Variants in RAB2B observed in about 807,000 individuals in gnomAD.
RAB2B encodes RAB2B, member RAS oncogene family.
In RAB2B, 20 loss-of-function variants were observed where a neutral mutation model predicts 29.8. That is an observed-to-expected ratio of 0.67 (90% CI 0.47 to 0.97). The LOEUF (loss-of-function observed/expected upper bound fraction) is 0.97. Among genes scored for constraint, RAB2B ranks in the 50% least tolerant of loss-of-function variants. The pLI is 0.00. For synonymous variants in RAB2B, 93 were observed against 91.7 expected (o/e 1.01, Z -0.08); for missense variants, 218 against 272.0 (o/e 0.80, Z 1.40).
At chr14:21,472,149 A>T (rs947119107) in intron 3 of RAB2B, among the ~76,000 whole-genome samples, 14 of 152,044 alleles carry the variant, frequency 9.2e-5, no homozygotes, top group Admixed American at 2.6e-4. Flanking sequence ...GGAAAAAAAA[A>T]TTTTAATTGC....
chr14:21,469,234 A>G (rs1463511537), intron 3 of RAB2B, among the ~76,000 whole-genome samples: 1 of 152,212 alleles, frequency 6.6e-6, no homozygotes, highest in Non-Finnish European at 1.5e-5. Context: ...AAGGAAAGTT[A>G]TCTTAGAATG....
intron 6 of RAB2B, among the ~76,000 whole-genome samples, chr14:21,463,396 G>A (rs557730740): frequency 3.6e-4 from 54 of 151,918 alleles, no homozygotes; most frequent in East Asian, 2.3e-3. Flanking sequence ...ACAGACACAC[G>A]CCGCCATGAC....
chr14:21,465,510 T>C (rs1189533244), intron 5 of RAB2B, among the ~76,000 whole-genome samples: 1 of 152,220 alleles, frequency 6.6e-6, no homozygotes, highest in East Asian at 1.9e-4. Context: ...TTTCTTTCTC[T>C]TTCCAGGGTC....
intron 5 of RAB2B, among the ~76,000 whole-genome samples, chr14:21,466,629 A>G (rs1471516695): frequency 6.6e-6 from 1 of 152,246 alleles, no homozygotes; most frequent in Non-Finnish European, 1.5e-5. Flanking sequence ...AAACACAGTA[A>G]CACTCAACAC....
intron 3 of RAB2B, among the ~76,000 whole-genome samples, chr14:21,471,163 AC>A (rs1445469134): frequency 7.6e-6 from 1 of 131,548 alleles, no homozygotes; most frequent in Non-Finnish European, 1.6e-5. Flanking sequence ...ACAGAGTGAG[AC>A]TCTGTCTAAA....
chr14:21,474,621 C>T (rs1455910194), intron 3 of RAB2B: 1 of 444,012 alleles, frequency 2.3e-6, no homozygotes, highest in Non-Finnish European at 4.0e-6. Context: ...ACTTTCTATT[C>T]TATAAATTTA....
In RAB2B at chr14:21,471,178, A is replaced by T. The variant is rs1394873005; in HGVS notation, c.187-2426T>A. On this transcript the variant is annotated intron_variant, in intron 3 of 7. Transcript: ENST00000397762. Reference sequence around the variant, plus strand: ...ACAGAGTGAGACTCTGTCTAAATTAAAAAAAAAAAAAAAATCACTCTACTT... The same window carrying T: ...ACAGAGTGAGACTCTGTCTAAATTATAAAAAAAAAAAAAATCACTCTACTT... Among the ~76,000 whole-genome samples the T allele has an allele frequency of 4.1e-3, 8 of 1,974 alleles. No homozygotes were observed. In the East Asian group the frequency reaches 0.044, roughly 11 times the overall value. The allele number at this position is 1,974 out of a possible 152,430, so 1.3% of individuals were successfully genotyped here.
chr14:21,476,308 C>T, intron 2 of RAB2B: 1 of 552,818 alleles, frequency 1.8e-6, no homozygotes, highest in East Asian at 2.9e-5. Flanking sequence ...GAGTCTATAC[C>T]TCACACTCTA....
chr14:21,473,931 G>A (rs756606613), intron 3 of RAB2B, among the ~76,000 whole-genome samples: 1 of 152,160 alleles, frequency 6.6e-6, no homozygotes, highest in Non-Finnish European at 1.5e-5. Flanking sequence ...AGAATGGCAC[G>A]AACCCGGGAG....
chr14:21,476,852 G>T lies in RAB2B; in HGVS notation c.21C>A (p.Phe7Leu). The T allele has an allele frequency of 1.2e-6, 2 of 1,613,286 alleles. No homozygotes were observed. The highest frequency in any genetic ancestry group is 1.7e-6 in the Non-Finnish European group (2 of 1,179,996). MTYAYL[F>L]KYIIIGDTGV... is the part of the protein sequence containing the mutation. ...CTGTGTCTCCGATGATGATATACTT[G>T]AAGAGATAAGCATAAGTCATGGTGT... is the stretch of plus-strand genomic sequence containing the variant. Residue 7 changes from phenylalanine (F) to leucine (L), a missense_variant, in exon 1 of 8, where the codon TTC becomes TTA. Coordinates refer to ENST00000397762, the MANE Select transcript of RAB2B (RefSeq NM_032846.4).
intron 1 of RAB2B, 101 bp from the exon 2 acceptor site, chr14:21,476,700 C>T (rs778991833): frequency 1.3e-6 from 2 of 1,595,678 alleles, no homozygotes; most frequent in South Asian, 1.1e-5. Context: ...GCCCCGCCCC[C>T]GGCCGCCCCG....
chr14:21,471,018 A>T (rs1337100593), intron 3 of RAB2B, among the ~76,000 whole-genome samples: 6 of 44,578 alleles, frequency 1.3e-4, no homozygotes, highest in East Asian at 9.0e-4. Flanking sequence ...AAAAAAAAAA[A>T]AAAAAATAGG....
At chr14:21,468,835 T>C (rs1350287211) in intron 3 of RAB2B, 83 bp from the exon 4 acceptor site, 1 of 733,188 alleles carries the variant, frequency 1.4e-6, no homozygotes, top group Non-Finnish European at 2.0e-6. Flanking sequence ...GCCACCCTAA[T>C]ACAAAGGACT....
chr14:21,468,213 T>C, intron 5 of RAB2B, 144 bp downstream of exon 5: 1 of 601,314 alleles, frequency 1.7e-6, no homozygotes, highest in Non-Finnish European at 2.9e-6. Flanking sequence ...GTAAATTTTG[T>C]GTCATATATA....
At chr14:21,465,865 T>C (rs986338364) in intron 5 of RAB2B, among the ~76,000 whole-genome samples, 3 of 152,144 alleles carry the variant, frequency 2.0e-5, no homozygotes, top group Non-Finnish European at 2.9e-5. Flanking sequence ...GTCAAGCTTC[T>C]TCCAAGTTCA....
At chr14:21,476,666 G>C (rs749336060) in intron 1 of RAB2B, 67 bp from the exon 2 acceptor site, 1 of 1,613,196 alleles carries the variant, frequency 6.2e-7, no homozygotes, top group Non-Finnish European at 8.5e-7. Context: ...TGGACTTCCC[G>C]GACCAGAGAA....
intron 7 of RAB2B, among the ~76,000 whole-genome samples, chr14:21,462,002 ATTTAC>A (rs779921364): frequency 3.8e-4 from 58 of 152,250 alleles, no homozygotes; most frequent in Non-Finnish European, 6.6e-4. Flanking sequence ...TTGTTCCAGA[ATTTAC>A]TTTATAGAAA....
intron 6 of RAB2B, 37 bp downstream of exon 6, chr14:21,463,619 C>A: frequency 7.7e-7 from 1 of 1,303,420 alleles, no homozygotes; most frequent in Non-Finnish European, 1.1e-6. Flanking sequence ...ATGGTGTAAT[C>A]TCTAAAGAGC....
chr14:21,465,671 T>C (rs938560446), intron 5 of RAB2B, among the ~76,000 whole-genome samples: 2 of 152,174 alleles, frequency 1.3e-5, no homozygotes, highest in Non-Finnish European at 2.9e-5. Context: ...TGTATTTATT[T>C]ATTATTATTT....
Sources: allele counts gnomAD v4.1 joint callset (sites outside exome capture counted in the v4.1 genomes callset), GRCh38; gene constraint gnomAD v4.1.1; transcripts MANE v1.5; gene names NCBI Gene and HGNC (gene_info 2026-07-23, HGNC 2026-07-21).